The following WARS2 variants were observed in gnomAD, a reference collection of about 807,000 sequenced individuals.
The protein encoded by WARS2 is tryptophanyl tRNA synthetase 2, mitochondrial.
Under a neutral mutation model 36.5 loss-of-function variants are expected in WARS2, and 28 were observed. The ratio of observed to expected loss-of-function variants is 0.77; its 90% CI spans 0.57 to 1.05. The LOEUF (loss-of-function observed/expected upper bound fraction) is 1.05, where lower values mean the gene tolerates loss of function less well. WARS2 is among the 50% of genes least tolerant of loss of function. WARS2 has a pLI of 0.00. For missense variants in WARS2, 435 were observed against 456.8 expected, an observed-to-expected ratio of 0.95 and a Z score of 0.44; for synonymous variants, 174 against 178.4, an observed-to-expected ratio of 0.98 and a Z score of 0.20.
At chr1:119,109,066 G>A (rs1654441103) in intron 1 of WARS2, among the ~76,000 whole-genome samples, 1 of 151,892 alleles carries the variant, frequency 6.6e-6, no homozygotes, top group African/African-American at 2.4e-5. Context: ...ATTCCATATG[G>A]TCTAAGGTCA....
chr1:119,097,204 TTTTC>T (rs1303210319), intron 1 of WARS2, among the ~76,000 whole-genome samples: 2 of 152,228 alleles, frequency 1.3e-5, no homozygotes, highest in Non-Finnish European at 2.9e-5. Context: ...TCTTTGTTTA[TTTTC>T]TATCTTGATG....
At chr1:119,117,115 G>C (rs587732928) in intron 1 of WARS2, among the ~76,000 whole-genome samples, 16 of 152,300 alleles carry the variant, frequency 1.1e-4, no homozygotes, top group Admixed American at 8.5e-4. Flanking sequence ...GAATGGCCTT[G>C]CTGGCTGCAT....
chr1:119,068,808 G>A (rs574231145), intron 2 of WARS2, among the ~76,000 whole-genome samples: 13 of 150,090 alleles, frequency 8.7e-5, no homozygotes, highest in East Asian at 2.0e-4. Flanking sequence ...TTCCCACGAC[G>A]TGTCCCTCTC....
chr1:119,096,636 A>C (rs985207531), intron 1 of WARS2, among the ~76,000 whole-genome samples: 2 of 152,164 alleles, frequency 1.3e-5, no homozygotes, highest in Non-Finnish European at 2.9e-5. Context: ...CCCAACTGGA[A>C]ATTTTTAAAT....
At chr1:119,060,946 A>T (rs1379128067) in intron 2 of WARS2, among the ~76,000 whole-genome samples, 1 of 152,176 alleles carries the variant, frequency 6.6e-6, no homozygotes, top group Non-Finnish European at 1.5e-5. Context: ...CAACCCCTGA[A>T]TTCCACATGC....
chr1:119,044,097 C>T (rs1384932732), intron 3 of WARS2, among the ~76,000 whole-genome samples: 1 of 152,180 alleles, frequency 6.6e-6, no homozygotes, highest in South Asian at 2.1e-4. Context: ...TGCTATATCT[C>T]TAGCACCTAT....
At chr1:119,068,673 C>T (rs796219520) in intron 2 of WARS2, among the ~76,000 whole-genome samples, 15 of 152,266 alleles carry the variant, frequency 9.9e-5, no homozygotes, top group African/African-American at 2.9e-4. Context: ...GGCCTGTACC[C>T]CAGGCAGCTG....
intron 1 of WARS2, among the ~76,000 whole-genome samples, chr1:119,120,570 A>G (rs1655264663): frequency 6.6e-6 from 1 of 152,092 alleles, no homozygotes; most frequent in Admixed American, 6.5e-5. Flanking sequence ...TTACCCTAAT[A>G]CCAAAACCAG....
At chr1:119,111,395 CCT>C (rs1027389267) in intron 1 of WARS2, among the ~76,000 whole-genome samples, 5 of 152,102 alleles carry the variant, frequency 3.3e-5, no homozygotes, top group African/African-American at 1.2e-4. Context: ...TCTCTCTCCC[CCT>C]CTTAGGTGAG....
intron 2 of WARS2, among the ~76,000 whole-genome samples, chr1:119,050,323 T>A (rs1296901166): frequency 6.6e-6 from 1 of 152,220 alleles, no homozygotes; most frequent in Non-Finnish European, 1.5e-5. Flanking sequence ...ACTACACTGA[T>A]TGAGTCTGTT....
At chr1:119,097,926 T>C (rs772453023) in intron 1 of WARS2, among the ~76,000 whole-genome samples, 1 of 152,114 alleles carries the variant, frequency 6.6e-6, no homozygotes, top group Non-Finnish European at 1.5e-5. Context: ...TTTCAAATTA[T>C]CCCTTCTCAG....
chr1:119,124,692 A>G (rs1655537834), intron 1 of WARS2, among the ~76,000 whole-genome samples: 1 of 152,144 alleles, frequency 6.6e-6, no homozygotes, highest in Admixed American at 6.6e-5. Flanking sequence ...TTCTATTTTT[A>G]ACATGATAAC....
At chr1:119,074,322 G>A (rs759464301) in intron 2 of WARS2, among the ~76,000 whole-genome samples, 1 of 152,180 alleles carries the variant, frequency 6.6e-6, no homozygotes, top group Non-Finnish European at 1.5e-5. Flanking sequence ...AAGGACCTAC[G>A]GGGTAAGATA....
At chr1:119,107,229 C>A (rs1209229274) in intron 1 of WARS2, among the ~76,000 whole-genome samples, 1 of 152,026 alleles carries the variant, frequency 6.6e-6, no homozygotes, top group Non-Finnish European at 1.5e-5. Flanking sequence ...TTGTCCTTTG[C>A]AAATATCTTC....
chr1:119,137,982 A>C (rs375090909), intron 1 of WARS2, among the ~76,000 whole-genome samples: 1 of 152,238 alleles, frequency 6.6e-6, no homozygotes, highest in African/African-American at 2.4e-5. Context: ...TTTCTAACAT[A>C]GCACTGTTAT....
At chr1:119,129,916 C>T (rs1487832496) in intron 1 of WARS2, among the ~76,000 whole-genome samples, 1 of 152,132 alleles carries the variant, frequency 6.6e-6, no homozygotes, top group Non-Finnish European at 1.5e-5. Context: ...ACAACCTTGG[C>T]TATATAGATA....
chr1:119,065,481 C>A (rs1388246086), intron 2 of WARS2, among the ~76,000 whole-genome samples: 1 of 151,276 alleles, frequency 6.6e-6, no homozygotes, highest in African/African-American at 2.4e-5. Context: ...GATAAGAATA[C>A]AAAAATTAGC....
intron 1 of WARS2, among the ~76,000 whole-genome samples, chr1:119,089,648 T>A (rs1652906108): frequency 6.6e-6 from 1 of 152,176 alleles, no homozygotes; most frequent in Non-Finnish European, 1.5e-5. Context: ...AAAATTTTAT[T>A]TTATTTTGAC....
intron 3 of WARS2, among the ~76,000 whole-genome samples, chr1:119,045,154 G>C (rs557242322): frequency 6.6e-6 from 1 of 152,258 alleles, no homozygotes; most frequent in Non-Finnish European, 1.5e-5. Context: ...ACTGTTGCCT[G>C]GACTCAACTT....
Sources: allele counts gnomAD v4.1 joint callset (sites outside exome capture counted in the v4.1 genomes callset), GRCh38; gene constraint gnomAD v4.1.1; transcripts MANE v1.5; gene names NCBI Gene and HGNC (gene_info 2026-07-23, HGNC 2026-07-21).